Variants in TRIM71 observed in about 807,000 individuals in gnomAD.
TRIM71 encodes tripartite motif containing 71, also known as E3 ubiquitin-protein ligase TRIM71.
A neutral mutation model predicts 61.2 loss-of-function variants in TRIM71; 9 were observed. That is an observed-to-expected ratio of 0.15 (90% CI 0.09 to 0.26). The LOEUF is 0.26. Ranked by LOEUF, TRIM71 falls within the 10% of genes least tolerant of loss-of-function variation. The pLI is 1.00. For synonymous variants in TRIM71, 645 were observed against 553.2 expected, an observed-to-expected ratio of 1.17 and a Z score of -2.33; for missense variants, 998 against 1,238.7, an observed-to-expected ratio of 0.81 and a Z score of 2.92.
intron 1 of TRIM71, among the ~76,000 whole-genome samples, chr3:32,828,969 A>T (rs1696235270): frequency 6.6e-6 from 1 of 151,606 alleles, no homozygotes; most frequent in African/African-American, 2.4e-5. Flanking sequence ...TACAGGCATG[A>T]GCCACTGTCC....
intron 1 of TRIM71, among the ~76,000 whole-genome samples, chr3:32,836,509 G>T (rs1225368623): frequency 2.6e-5 from 4 of 152,110 alleles, no homozygotes; most frequent in African/African-American, 9.7e-5. Context: ...GTTTAACTTG[G>T]TATACATTTT....
At chr3:32,862,925 T>G (rs6550167) in intron 1 of TRIM71, among the ~76,000 whole-genome samples, 146,164 of 152,170 alleles carry the variant, frequency 0.96, 70,475 homozygotes, top group East Asian at 1. Flanking sequence ...TTGCGAGATA[T>G]AACTTAAGAT....
In TRIM71 at chr3:32,892,774, G is replaced by A. The variant is rs1185160449; in HGVS notation, c.*963G>A. 1 of 152,172 alleles carries A rather than the reference G, an allele frequency of 6.6e-6. No homozygotes were observed. Among genetic ancestry groups the A allele is most frequent in the African/African-American group, 2.4e-5 (1 of 41,446 alleles). 9.4% of individuals were successfully genotyped at this position (152,172 alleles called of 1,614,324 possible). ...GCTGTTAGGTTATAAAGGGTTAAAT[G>A]GAAGGAAAAAGGAAATTAACCTCGT... On this transcript the variant is annotated 3_prime_UTR_variant, in exon 4 of 4. Transcript: ENST00000383763.
At chr3:32,879,444 G>A (rs1339795976) in intron 2 of TRIM71, among the ~76,000 whole-genome samples, 1 of 152,078 alleles carries the variant, frequency 6.6e-6, no homozygotes, top group Admixed American at 6.5e-5. Context: ...TAGATTTGTA[G>A]GACCTTTTCT....
At chr3:32,883,447 C>T (rs1320136959) in intron 2 of TRIM71, among the ~76,000 whole-genome samples, 4 of 152,238 alleles carry the variant, frequency 2.6e-5, no homozygotes, top group Non-Finnish European at 4.4e-5. Flanking sequence ...TGGCTTTTGG[C>T]AGTTGCCAGC....
chr3:32,832,740 C>G (rs979281383), intron 1 of TRIM71, among the ~76,000 whole-genome samples: 2 of 152,064 alleles, frequency 1.3e-5, no homozygotes, highest in Admixed American at 6.5e-5. Context: ...CTAATTTTTT[C>G]TACTTCTTTC....
chr3:32,837,147 A>G (rs149688425), intron 1 of TRIM71, among the ~76,000 whole-genome samples: 26 of 152,382 alleles, frequency 1.7e-4, no homozygotes, highest in African/African-American at 6.0e-4. Context: ...CATTGTTAAC[A>G]GCGTGGATAA....
At chr3:32,820,110 G>C (rs2125672628) in intron 1 of TRIM71, among the ~76,000 whole-genome samples, 1 of 152,356 alleles carries the variant, frequency 6.6e-6, no homozygotes, top group African/African-American at 2.4e-5. Context: ...CGGTAAGAGA[G>C]GGTGTGGGTG....
chr3:32,825,676 C>G (rs1696192765), intron 1 of TRIM71, among the ~76,000 whole-genome samples: 1 of 152,150 alleles, frequency 6.6e-6, no homozygotes, highest in Non-Finnish European at 1.5e-5. Flanking sequence ...TTTGCTATCT[C>G]TGACATTTTG....
chr3:32,856,169 C>T (rs1696601906), intron 1 of TRIM71, among the ~76,000 whole-genome samples: 1 of 152,158 alleles, frequency 6.6e-6, no homozygotes, highest in Non-Finnish European at 1.5e-5. Context: ...AGGTGCCCGC[C>T]ACCACGCCCG....
chr3:32,859,669 G>A (rs77144254), intron 1 of TRIM71, among the ~76,000 whole-genome samples: 4 of 152,042 alleles, frequency 2.6e-5, no homozygotes, highest in Non-Finnish European at 5.9e-5. Context: ...ACATTTCCCT[G>A]CCCGGAATGC....
At chr3:32,888,516 GCTAATC>G (rs1328320861) in intron 3 of TRIM71, among the ~76,000 whole-genome samples, 4 of 148,654 alleles carry the variant, frequency 2.7e-5, no homozygotes, top group Non-Finnish European at 5.9e-5. Context: ...CATTTCCCAA[GCTAATC>G]CTTTTGCGGT....
At chr3:32,849,057 G>A (rs1178262171) in intron 1 of TRIM71, among the ~76,000 whole-genome samples, 1 of 152,222 alleles carries the variant, frequency 6.6e-6, no homozygotes, top group East Asian at 1.9e-4. Flanking sequence ...GCCCTGGGCA[G>A]TCAGGGGAGC....
intron 1 of TRIM71, among the ~76,000 whole-genome samples, chr3:32,844,307 G>T (rs1696445950): frequency 6.6e-6 from 1 of 152,182 alleles, no homozygotes; most frequent in Non-Finnish European, 1.5e-5. Flanking sequence ...GCCCTAGGAG[G>T]AAGAGGGGAT....
At position 32,818,760 on chromosome 3, in the gene TRIM71, A is replaced by T. The variant is rs1262383014; in HGVS notation, c.680A>T (p.His227Leu). 2 of 1,606,102 alleles carry T rather than the reference A, an allele frequency of 1.2e-6. No homozygotes were observed. The highest frequency in any genetic ancestry group is 2.7e-5 in the African/African-American group (2 of 74,946). The change falls in exon 1 of 4, where the codon CAC becomes CTC. Residue 227 changes from histidine (H) to leucine (L), a missense_variant. Around this residue, in one of 5 missense-constraint regions of TRIM71, gnomAD observed 527 missense variants for 427.8 expected, o/e 1.23. Transcript: ENST00000383763. ...EHLCDNCVRA[H>L]QRVRLTKDHY... ...CTGTGCGACAACTGCGTCCGAGCGC[A>T]CCAGCGCGTGCGCCTCACCAAGGAC...
chr3:32,890,677 C>T lies in TRIM71; in HGVS notation c.1473C>T (p.Gly491=), dbSNP rs1697014800. Residue 491 remains glycine (G), a synonymous_variant, in exon 4 of 4, where the codon GGC becomes GGT. Transcript: ENST00000383763. The surrounding 1 kb of genome is among the most constrained non-coding windows in gnomAD (Gnocchi z 6.2). ...GAFAPLTKAT[G]DGLKRALQGK... is the part of the protein sequence containing the mutation. ...TTGCCCCACTCACCAAGGCCACAGG[C>T]GATGGCCTCAAGCGTGCCCTCCAGG... 27 of 1,613,856 alleles carry T rather than the reference C, an allele frequency of 1.7e-5. No homozygotes were observed. Among genetic ancestry groups the T allele is most frequent in the African/African-American group, 4.0e-5 (3 of 74,928 alleles).
At chr3:32,834,884 C>G (rs1696316698) in intron 1 of TRIM71, among the ~76,000 whole-genome samples, 1 of 152,174 alleles carries the variant, frequency 6.6e-6, no homozygotes, top group Non-Finnish European at 1.5e-5. Flanking sequence ...TTTGAGCATT[C>G]ATTTTGTCTA....
At position 32,891,415 on chromosome 3, in the gene TRIM71, TG is replaced by T; in HGVS notation, c.2213del (p.Gly738AlafsTer63). 6.2e-7 allele frequency: 1 copy of T among 1,614,072 alleles called. No individual in the cohort carries two copies. The highest frequency in any genetic ancestry group is 8.5e-7 in the Non-Finnish European group (1 of 1,180,022). On this transcript the variant is annotated frameshift_variant, in exon 4 of 4. Transcript: ENST00000383763. LOFTEE classifies it high-confidence loss of function. The surrounding 1 kb of genome is among the most constrained non-coding windows in gnomAD (Gnocchi z 8.2). ...GPDGVFLNKY[G>X]FEGALWKHFD... is the part of the protein sequence containing the mutation. ...CTGATGGTGTCTTCCTAAACAAGTA[TG>T]GCTTCGAGGGGGCTCTCTGGAAGCA...
At chr3:32,829,465 C>T (rs544648194) in intron 1 of TRIM71, among the ~76,000 whole-genome samples, 4 of 152,278 alleles carry the variant, frequency 2.6e-5, no homozygotes, top group South Asian at 2.1e-4. Flanking sequence ...GCGTGAGCCA[C>T]GATGCCCTGC....
Sources: allele counts gnomAD v4.1 joint callset (sites outside exome capture counted in the v4.1 genomes callset), GRCh38; gene constraint gnomAD v4.1.1; regional missense constraint gnomAD v4.1.1; non-coding constraint Gnocchi (gnomAD v3.1); transcripts MANE v1.5; gene names NCBI Gene and HGNC (gene_info 2026-07-23, HGNC 2026-07-21).